Variants in LRP11 observed in about 807,000 individuals in gnomAD.
LRP11 encodes LDL receptor related protein 11, also known as low-density lipoprotein receptor-related protein 11.
A neutral mutation model predicts 43.1 loss-of-function variants in LRP11; 25 were observed. The ratio of observed to expected loss-of-function variants is 0.58; its 90% CI spans 0.42 to 0.81. The LOEUF is 0.81. Ranked by LOEUF, LRP11 falls within the 30% of genes least tolerant of loss-of-function variation. The pLI, the probability that LRP11 is intolerant of heterozygous loss-of-function variation, is 0.00. For synonymous variants in LRP11, 316 were observed against 299.4 expected (o/e 1.06, Z -0.57); for missense variants, 623 against 665.1 (o/e 0.94, Z 0.70).
chr6:149,846,725 G>C (rs1449841175), intron 2 of LRP11, among the ~76,000 whole-genome samples: 1 of 152,042 alleles, frequency 6.6e-6, no homozygotes. Context: ...ATCAGTTGAG[G>C]CCAGGAGTTT....
chr6:149,822,279 G>A (rs2115369224), intron 6 of LRP11, among the ~76,000 whole-genome samples: 1 of 151,822 alleles, frequency 6.6e-6, no homozygotes, highest in East Asian at 1.9e-4. Flanking sequence ...AGTTGAGGCT[G>A]TTATGAGCCA....
At chr6:149,835,449 A>C (rs1776458926) in intron 5 of LRP11, among the ~76,000 whole-genome samples, 1 of 152,044 alleles carries the variant, frequency 6.6e-6, no homozygotes, top group African/African-American at 2.4e-5. Context: ...AAAATACAAA[A>C]ATTAGTCAGG....
At chr6:149,829,796 A>C (rs1398147930) in intron 5 of LRP11, among the ~76,000 whole-genome samples, 2 of 151,926 alleles carry the variant, frequency 1.3e-5, no homozygotes, top group East Asian at 3.9e-4. Flanking sequence ...TCAGTACTGG[A>C]AACACTACTG....
At chr6:149,862,273 A>G (rs1254275295) in intron 1 of LRP11, among the ~76,000 whole-genome samples, 1 of 152,224 alleles carries the variant, frequency 6.6e-6, no homozygotes, top group Non-Finnish European at 1.5e-5. Context: ...ATGGATCCAC[A>G]GGTTTTGGAG....
In LRP11 at chr6:149,863,729, T is replaced by C. The variant is rs1217968197; in HGVS notation, c.292A>G (p.Ser98Gly). 6.8e-7 allele frequency: 1 copy of C among 1,479,556 alleles called. No individual in the cohort carries two copies. The highest frequency in any genetic ancestry group is 1.5e-5 in the African/African-American group (1 of 68,192). The allele number at this position is 1,479,556 out of a possible 1,614,324, so 91.7% of individuals were successfully genotyped here. Residue 98 changes from serine (S) to glycine (G), a missense_variant, in exon 1 of 7, where the codon AGC becomes GGC. Ser to Gly is a moderately conservative substitution (Grantham distance 56, BLOSUM62 0). Coordinates refer to ENST00000239367, the MANE Select transcript of LRP11 (RefSeq NM_032832.6). ...DCPGPGSGGY[S>G]AMPDAIIRTK... is the part of the protein sequence containing the mutation. ...CGGATGATGGCGTCAGGCATTGCGCTGTAGCCGCCGCTGCCCGGGCCCGGG... is the reference window on the plus strand; with the variant it reads ...CGGATGATGGCGTCAGGCATTGCGCCGTAGCCGCCGCTGCCCGGGCCCGGG...
intron 6 of LRP11, among the ~76,000 whole-genome samples, chr6:149,823,453 C>T (rs925242740): frequency 1.3e-5 from 2 of 152,042 alleles, no homozygotes; most frequent in African/African-American, 2.4e-5. Flanking sequence ...TGGAAAGAGG[C>T]GACACCTCTT....
chr6:149,861,560 C>T (rs1776895478), intron 1 of LRP11, among the ~76,000 whole-genome samples: 1 of 152,228 alleles, frequency 6.6e-6, no homozygotes, highest in African/African-American at 2.4e-5. Flanking sequence ...GTTGCCCAGG[C>T]TGGAGTGCAG....
chr6:149,839,677 C>CTATTTATTATTTATCTATTTATT (rs1776520047), intron 3 of LRP11, among the ~76,000 whole-genome samples: 1 of 152,114 alleles, frequency 6.6e-6, no homozygotes, highest in Non-Finnish European at 1.5e-5. Flanking sequence ...TTATTTGAGA[C>CTATTTATTATTTATCTATTTATT]GGAGTCTCGC....
intron 5 of LRP11, among the ~76,000 whole-genome samples, chr6:149,828,064 G>A (rs1271109167): frequency 3.3e-5 from 5 of 151,372 alleles, no homozygotes; most frequent in South Asian, 2.1e-4. Context: ...GGTGGTGGGC[G>A]CCTGTAATCC....
intron 2 of LRP11, among the ~76,000 whole-genome samples, chr6:149,848,970 G>C (rs912247222): frequency 6.6e-6 from 1 of 152,200 alleles, no homozygotes; most frequent in Non-Finnish European, 1.5e-5. Flanking sequence ...TGAGAAGATG[G>C]CTGGTTATAA....
intron 2 of LRP11, among the ~76,000 whole-genome samples, chr6:149,844,727 G>A (rs771692323): frequency 1.7e-4 from 26 of 152,180 alleles, no homozygotes; most frequent in Non-Finnish European, 3.4e-4. Context: ...CAGAGGATGG[G>A]ATTGTACTAT....
At chr6:149,822,762 G>T (rs915594486) in intron 6 of LRP11, among the ~76,000 whole-genome samples, 1 of 152,128 alleles carries the variant, frequency 6.6e-6, no homozygotes, top group African/African-American at 2.4e-5. Context: ...TAAAATAGGT[G>T]GTCCATCTAC....
chr6:149,838,010 C>T (rs1245726472), intron 3 of LRP11, among the ~76,000 whole-genome samples: 15 of 152,094 alleles, frequency 9.9e-5, no homozygotes, highest in African/African-American at 3.4e-4. Context: ...CTCCGCCTCC[C>T]GGGTTCAAGA....
At chr6:149,836,037 G>A (rs1776466337) in intron 5 of LRP11, 48 bp downstream of exon 5, 3 of 1,512,094 alleles carry the variant, frequency 2.0e-6, no homozygotes, top group South Asian at 2.3e-5. Flanking sequence ...GCCAAGTTTG[G>A]CTACAGAAAA....
intron 1 of LRP11, among the ~76,000 whole-genome samples, chr6:149,862,389 A>G (rs974487426): frequency 9.2e-5 from 14 of 152,158 alleles, no homozygotes; most frequent in Non-Finnish European, 2.1e-4. Context: ...ACGGAGCCTG[A>G]CCACACGTGG....
chr6:149,826,001 C>A (rs190773678), intron 6 of LRP11: 198 of 438,208 alleles, frequency 4.5e-4, no homozygotes, highest in Non-Finnish European at 3.1e-4. Context: ...TGTTCTCCCA[C>A]CATGCCACAA....
intron 3 of LRP11, among the ~76,000 whole-genome samples, chr6:149,841,798 G>C (rs542019768): frequency 6.6e-6 from 1 of 152,208 alleles, no homozygotes; most frequent in East Asian, 1.9e-4. Flanking sequence ...TGTAGTCCCA[G>C]CTACTTGGGA....
chr6:149,841,321 T>C (rs1776543823), intron 3 of LRP11, among the ~76,000 whole-genome samples: 1 of 152,196 alleles, frequency 6.6e-6, no homozygotes, highest in Admixed American at 6.5e-5. Context: ...ATCCTGAGTA[T>C]TGAATACTGA....
At chr6:149,861,658 C>T (rs1313856833) in intron 1 of LRP11, among the ~76,000 whole-genome samples, 1 of 152,156 alleles carries the variant, frequency 6.6e-6, no homozygotes, top group African/African-American at 2.4e-5. Context: ...GGATCATAGA[C>T]AGGCGCCACC....
Sources: allele counts gnomAD v4.1 joint callset (sites outside exome capture counted in the v4.1 genomes callset), GRCh38; gene constraint gnomAD v4.1.1; transcripts MANE v1.5; gene names NCBI Gene and HGNC (gene_info 2026-07-23, HGNC 2026-07-21).